Variants in MACROD2 observed in about 807,000 individuals in gnomAD.
MACROD2 encodes ADP-ribose glycohydrolase MACROD2.
A neutral mutation model predicts 70.4 loss-of-function variants in MACROD2; 36 were observed. The observed-to-expected ratio is 0.51, with a 90% CI of 0.39 to 0.68. The LOEUF (loss-of-function observed/expected upper bound fraction) is 0.68, where lower values mean the gene tolerates loss of function less well. MACROD2 is among the 30% of genes least tolerant of loss of function. MACROD2 has a pLI of 0.00. For synonymous variants in MACROD2, 172 were observed against 178.8 expected, an observed-to-expected ratio of 0.96 and a Z score of 0.30; for missense variants, 496 against 538.4, an observed-to-expected ratio of 0.92 and a Z score of 0.78.
chr20:15,599,928 C>A (rs1190613949), intron 8 of MACROD2, among the ~76,000 whole-genome samples: 1 of 152,156 alleles, frequency 6.6e-6, no homozygotes, highest in Non-Finnish European at 1.5e-5. Context: ...TTAAATCCCC[C>A]TGTCTTTTCC....
intron 5 of MACROD2, among the ~76,000 whole-genome samples, chr20:14,859,162 T>G (rs1412819801): frequency 2.0e-5 from 3 of 151,836 alleles, no homozygotes. Context: ...TGCACTAAAA[T>G]CTCAGAAATT....
chr20:14,852,728 T>G (rs1465993187), intron 5 of MACROD2, among the ~76,000 whole-genome samples: 1 of 152,178 alleles, frequency 6.6e-6, no homozygotes, highest in Non-Finnish European at 1.5e-5. Context: ...GAAATCATAC[T>G]TGTCCAGTTG....
chr20:14,397,458 G>T (rs999283968), intron 3 of MACROD2, among the ~76,000 whole-genome samples: 5 of 152,112 alleles, frequency 3.3e-5, no homozygotes, highest in Admixed American at 2.0e-4. Context: ...TGTAGTTTAT[G>T]TATGTAACAA....
chr20:15,484,029 C>A (rs1323205327), intron 7 of MACROD2, among the ~76,000 whole-genome samples: 1 of 122,718 alleles, frequency 8.1e-6, no homozygotes, highest in Non-Finnish European at 1.8e-5. Flanking sequence ...TTCTTTCTTT[C>A]CCATCATTAT....
At chr20:14,349,613 C>T (rs1324143121) in intron 3 of MACROD2, among the ~76,000 whole-genome samples, 2 of 141,006 alleles carry the variant, frequency 1.4e-5, no homozygotes, top group East Asian at 4.1e-4. Context: ...CTCCCCACTG[C>T]CTCCTGAGTA....
intron 5 of MACROD2, among the ~76,000 whole-genome samples, chr20:15,203,620 T>A (rs2076676075): frequency 6.6e-6 from 1 of 152,126 alleles, no homozygotes; most frequent in South Asian, 2.1e-4. Flanking sequence ...TTAACTTATG[T>A]GTTAACTGCC....
intron 3 of MACROD2, among the ~76,000 whole-genome samples, chr20:14,482,433 T>G (rs1176627931): frequency 6.6e-6 from 1 of 151,288 alleles, no homozygotes; most frequent in African/African-American, 2.4e-5. Context: ...TCTATATTCC[T>G]TACTATATTA....
intron 3 of MACROD2, chr20:14,127,395 A>G: frequency 2.3e-6 from 1 of 429,582 alleles, no homozygotes; most frequent in Non-Finnish European, 4.3e-6. Context: ...ACCCCTTTCC[A>G]CTGCTTCATG....
chr20:15,255,953 G>A (rs902799886), intron 6 of MACROD2, among the ~76,000 whole-genome samples: 1 of 152,080 alleles, frequency 6.6e-6, no homozygotes, highest in Non-Finnish European at 1.5e-5. Flanking sequence ...ACACACATGA[G>A]TTTTGTGCTT....
chr20:15,564,386 G>T (rs554585394), intron 8 of MACROD2, among the ~76,000 whole-genome samples: 3 of 152,286 alleles, frequency 2.0e-5, no homozygotes, highest in African/African-American at 7.2e-5. Context: ...AAAAGATGGT[G>T]TGCTCATGTC....
intron 8 of MACROD2, among the ~76,000 whole-genome samples, chr20:15,586,051 G>A (rs1016439847): frequency 1.3e-5 from 2 of 152,142 alleles, no homozygotes; most frequent in African/African-American, 4.8e-5. Flanking sequence ...CCACCCTCCA[G>A]CTGTGCCCCA....
rs142041907 is a variant in MACROD2, at chr20:14,773,219, G to T, written c.418+88260G>T. Among the ~76,000 whole-genome samples the T allele has an allele frequency of 1.5e-4, 23 of 152,012 alleles. No homozygotes were observed. The East Asian group carries it at 4.3e-3, about 28-fold the overall frequency. On this transcript the variant is annotated intron_variant, in intron 5 of 17. Transcript: ENST00000684519. ...AATTGCCAACTGAATAATAAATCAG[G>T]TTTCCCTTAAAAGAAAATGAAAACT...
intron 4 of MACROD2, among the ~76,000 whole-genome samples, chr20:14,603,258 G>C (rs1472989440): frequency 1.3e-5 from 2 of 152,146 alleles, no homozygotes; most frequent in Non-Finnish European, 1.5e-5. Context: ...AGAGTGGGGA[G>C]GAACTGTGTG....
intron 7 of MACROD2, among the ~76,000 whole-genome samples, chr20:15,495,107 C>A (rs1047094453): frequency 2.6e-5 from 4 of 152,114 alleles, no homozygotes; most frequent in Admixed American, 2.6e-4. Context: ...CTGTAGCCTC[C>A]CCTCCGGGTG....
intron 6 of MACROD2, among the ~76,000 whole-genome samples, chr20:15,430,157 C>T (rs2046346507): frequency 1.3e-5 from 2 of 151,856 alleles, no homozygotes; most frequent in Non-Finnish European, 1.5e-5. Context: ...TTATCCAGTT[C>T]TCCACTGATG....
chr20:15,477,316 A>AAC (rs1346733180), intron 7 of MACROD2, among the ~76,000 whole-genome samples: 1 of 151,830 alleles, frequency 6.6e-6, no homozygotes, highest in Non-Finnish European at 1.5e-5. Context: ...GTTGGCCTTG[A>AAC]ACTCCTGGCC....
chr20:14,448,851 T>A (rs1008234149), intron 3 of MACROD2, among the ~76,000 whole-genome samples: 2 of 152,150 alleles, frequency 1.3e-5, no homozygotes, highest in Non-Finnish European at 2.9e-5. Context: ...CACTAATTTT[T>A]AATTCAGAAT....
At chr20:14,043,974 G>A (rs965855788) in intron 2 of MACROD2, among the ~76,000 whole-genome samples, 11 of 152,214 alleles carry the variant, frequency 7.2e-5, no homozygotes, top group African/African-American at 2.7e-4. Context: ...TTCAGTGAAA[G>A]GGAGCCTAGA....
At chr20:15,796,106 T>C (rs1415132257) in intron 8 of MACROD2, among the ~76,000 whole-genome samples, 1 of 152,054 alleles carries the variant, frequency 6.6e-6, no homozygotes. Flanking sequence ...AGGGAAGCAA[T>C]TTGGGATAGC....
Sources: allele counts gnomAD v4.1 joint callset (sites outside exome capture counted in the v4.1 genomes callset), GRCh38; gene constraint gnomAD v4.1.1; transcripts MANE v1.5; gene names NCBI Gene and HGNC (gene_info 2026-07-23, HGNC 2026-07-21).